Variants in RPS6KC1 observed in about 807,000 individuals in gnomAD.
The protein encoded by RPS6KC1 is inactive ribosomal protein S6 kinase delta-1.
A neutral mutation model predicts 103.8 loss-of-function variants in RPS6KC1; 54 were observed. The observed-to-expected ratio is 0.52, with a 90% CI of 0.42 to 0.65. The LOEUF (loss-of-function observed/expected upper bound fraction) is 0.65, where lower values mean the gene tolerates loss of function less well. RPS6KC1 is among the 30% of genes least tolerant of loss of function. RPS6KC1 has a pLI of 0.00. For missense variants in RPS6KC1, 1,151 were observed against 1,253.8 expected (o/e 0.92, Z 1.24); for synonymous variants, 439 against 438.7 (o/e 1.00, Z -0.01).
chr1:213,492,576 G>T, the RPS6KC1 span: 1 of 152,198 alleles, frequency 6.6e-6, no homozygotes, highest in East Asian at 1.9e-4. Flanking sequence ...TACGAAGGAG[G>T]TAAGTGTTTT....
the RPS6KC1 span, among the ~76,000 whole-genome samples, chr1:213,838,002 T>C: frequency 1.3e-5 from 2 of 152,218 alleles, no homozygotes; most frequent in Non-Finnish European, 2.9e-5. Context: ...TACTATCATT[T>C]TCTTTACACC....
the RPS6KC1 span, among the ~76,000 whole-genome samples, chr1:213,381,908 G>T: frequency 1.3e-5 from 2 of 152,228 alleles, no homozygotes; most frequent in African/African-American, 4.8e-5. Context: ...ACACCCTCGT[G>T]CAGCTTCTGT....
chr1:213,462,738 TGG>T, the RPS6KC1 span, among the ~76,000 whole-genome samples: 1 of 152,180 alleles, frequency 6.6e-6, no homozygotes, highest in East Asian at 1.9e-4. Flanking sequence ...CACCACACAC[TGG>T]GGCCTGTTGG....
At chr1:213,362,575 G>C in the RPS6KC1 span, among the ~76,000 whole-genome samples, 2 of 152,174 alleles carry the variant, frequency 1.3e-5, no homozygotes, top group Non-Finnish European at 2.9e-5. Context: ...CCATGCCATG[G>C]GCAAACACGT....
chr1:213,186,820 G>A (rs765654702), intron 8 of RPS6KC1, among the ~76,000 whole-genome samples: 60 of 152,194 alleles, frequency 3.9e-4, no homozygotes, highest in South Asian at 6.2e-4. Flanking sequence ...GAGCTTTCCA[G>A]TTCTTTCCTC....
At chr1:213,090,650 T>C (rs2080881956) in intron 3 of RPS6KC1, among the ~76,000 whole-genome samples, 1 of 152,228 alleles carries the variant, frequency 6.6e-6, no homozygotes, top group Non-Finnish European at 1.5e-5. Flanking sequence ...TATTCTCATG[T>C]CTACATGGGA....
intron 6 of RPS6KC1, among the ~76,000 whole-genome samples, chr1:213,153,179 G>C (rs1572883697): frequency 6.6e-6 from 1 of 152,126 alleles, no homozygotes; most frequent in South Asian, 2.1e-4. Context: ...GATGGCAGCA[G>C]TACAGTCTAG....
Position 213,240,883 on chromosome 1 carries a change from T to C in RPS6KC1, c.1407T>C (p.Ala469=). Residue 469 remains alanine, a synonymous_variant, in exon 11 of 15, where the codon GCT becomes GCC. Coordinates refer to ENST00000366960, the MANE Select transcript of RPS6KC1 (RefSeq NM_012424.6). ...GTGATGGTGGAAGCATGCTTAAAGC[T>C]CTGCCTTTGAAGAGTAGTCTTACTC... ...RGSDGGSMLK[A]LPLKSSLTPS... is the part of the protein sequence containing the mutation. The C allele has an allele frequency of 6.2e-7, 1 of 1,613,878 alleles. No individual in the cohort carries two copies. The highest frequency in any genetic ancestry group is 8.5e-7 in the Non-Finnish European group (1 of 1,179,878).
chr1:213,298,496 C>T, the RPS6KC1 span, among the ~76,000 whole-genome samples: 1 of 152,112 alleles, frequency 6.6e-6, no homozygotes, highest in African/African-American at 2.4e-5. Context: ...TCATGTTCTT[C>T]AGCCTAGATA....
chr1:213,268,841 TAAAAAA>T (rs1008327972), intron 14 of RPS6KC1, among the ~76,000 whole-genome samples: 7 of 149,676 alleles, frequency 4.7e-5, no homozygotes, highest in African/African-American at 1.5e-4. Flanking sequence ...AGCAACCACT[TAAAAAA>T]AAACCTAAAA....
chr1:213,355,599 A>T, the RPS6KC1 span, among the ~76,000 whole-genome samples: 51 of 152,302 alleles, frequency 3.3e-4, no homozygotes, highest in East Asian at 6.4e-3. Context: ...CTGTATTTTT[A>T]AAAAAATTAT....
intron 4 of RPS6KC1, among the ~76,000 whole-genome samples, chr1:213,111,542 G>A (rs1281797077): frequency 1.3e-5 from 2 of 151,902 alleles, no homozygotes; most frequent in South Asian, 4.2e-4. Flanking sequence ...AAAATATTTA[G>A]GATTATGAGC....
chr1:213,430,150 T>G, the RPS6KC1 span, among the ~76,000 whole-genome samples: 2 of 152,122 alleles, frequency 1.3e-5, no homozygotes, highest in Non-Finnish European at 1.5e-5. Flanking sequence ...GTAAGAGGCT[T>G]GTCAAATGTC....
At chr1:213,425,728 G>T in the RPS6KC1 span, among the ~76,000 whole-genome samples, 3 of 152,198 alleles carry the variant, frequency 2.0e-5, no homozygotes, top group Admixed American at 6.5e-5. Context: ...GCCACACAAT[G>T]CAGGAGGGCT....
chr1:213,689,713 G>T, the RPS6KC1 span, among the ~76,000 whole-genome samples: 2 of 152,234 alleles, frequency 1.3e-5, no homozygotes, highest in Non-Finnish European at 2.9e-5. Context: ...TAGGAGAATT[G>T]TTTGAGAGCT....
chr1:213,766,194 G>A, the RPS6KC1 span, among the ~76,000 whole-genome samples: 14 of 152,266 alleles, frequency 9.2e-5, no homozygotes, highest in African/African-American at 2.9e-4. Flanking sequence ...GAAGCCCAGC[G>A]TTTGACCAAG....
the RPS6KC1 span, among the ~76,000 whole-genome samples, chr1:213,727,170 C>T: frequency 1.3e-5 from 2 of 152,138 alleles, no homozygotes; most frequent in Non-Finnish European, 2.9e-5. Flanking sequence ...ATGCACTATT[C>T]GGTAAACATC....
the RPS6KC1 span, among the ~76,000 whole-genome samples, chr1:213,382,487 T>C: frequency 6.6e-6 from 1 of 152,200 alleles, no homozygotes; most frequent in Non-Finnish European, 1.5e-5. Context: ...AAGTAATATT[T>C]CTGGGATGTA....
chr1:213,650,068 G>A, the RPS6KC1 span, among the ~76,000 whole-genome samples: 4 of 152,126 alleles, frequency 2.6e-5, no homozygotes, highest in Non-Finnish European at 5.9e-5. Flanking sequence ...CTTGTCATAC[G>A]GCTGATTGCA....
Sources: gnomAD v4.1 joint callset for allele counts (sites outside exome capture counted in the v4.1 genomes callset) on GRCh38, gnomAD v4.1.1 for gene constraint, MANE v1.5 for transcripts, NCBI Gene and HGNC (gene_info 2026-07-23, HGNC 2026-07-21) for gene names.